Variants in KHDC1 observed in about 807,000 individuals in gnomAD.
KHDC1 encodes the protein KH domain containing 1.
Under a neutral mutation model 24.7 loss-of-function variants are expected in KHDC1, and 21 were observed. The ratio of observed to expected loss-of-function variants is 0.85; its 90% confidence interval spans 0.60 to 1.23. The LOEUF (loss-of-function observed/expected upper bound fraction) is 1.23, where lower values mean the gene tolerates loss of function less well. KHDC1 is among the 50% of genes most tolerant of loss of function. KHDC1 has a pLI of 0.00. For synonymous variants in KHDC1, 98 were observed against 111.7 expected (o/e 0.88, Z 0.77); for missense variants, 274 against 298.5 (o/e 0.92, Z 0.61).
chr6:73,310,266 C>T (rs1768057359), upstream of KHDC1: 1 of 155,896 alleles, frequency 6.4e-6, no homozygotes. Flanking sequence ...CACGGACTCG[C>T]TCACACTCCG....
chr6:73,254,212 C>G (rs1241334783), intron 2 of KHDC1, among the ~76,000 whole-genome samples: 1 of 152,030 alleles, frequency 6.6e-6, no homozygotes, highest in Non-Finnish European at 1.5e-5. Context: ...GTAATCCCAG[C>G]CCTTTGGGAG....
At chr6:73,242,162 G>C in exon 4 of KHDC1, 1 of 1,614,160 alleles carries the variant, frequency 6.2e-7, no homozygotes, top group Non-Finnish European at 8.5e-7. Context: ...CTGGCCTGTA[G>C]CTGTGAACCA....
intron 1 of KHDC1, among the ~76,000 whole-genome samples, chr6:73,294,470 G>A (rs1767723783): frequency 6.6e-6 from 1 of 152,084 alleles, no homozygotes. Flanking sequence ...TTGATATGTA[G>A]CATCCCGTAT....
intron 2 of KHDC1, among the ~76,000 whole-genome samples, chr6:73,285,525 G>A (rs1767502640): frequency 6.6e-6 from 1 of 152,132 alleles, no homozygotes; most frequent in East Asian, 1.9e-4. Context: ...GTAGAGACAG[G>A]GTTTCGCCAT....
chr6:73,280,300 G>A (rs1767379606), intron 2 of KHDC1, among the ~76,000 whole-genome samples: 1 of 152,040 alleles, frequency 6.6e-6, no homozygotes, highest in Non-Finnish European at 1.5e-5. Context: ...TGGAACCACA[G>A]GCATGCACCA....
intron 2 of KHDC1, among the ~76,000 whole-genome samples, chr6:73,283,073 G>C (rs1303056930): frequency 6.6e-6 from 1 of 152,206 alleles, no homozygotes; most frequent in Non-Finnish European, 1.5e-5. Context: ...TGTTGACCTT[G>C]ATCATCAGGC....
intron 1 of KHDC1, among the ~76,000 whole-genome samples, chr6:73,303,945 AAGGTGG>A (rs1767918239): frequency 6.6e-6 from 1 of 152,156 alleles, no homozygotes; most frequent in Admixed American, 6.6e-5. Context: ...TTGGGAGGCC[AAGGTGG>A]GTGGATCACC....
chr6:73,283,103 T>G (rs889660309), intron 2 of KHDC1, among the ~76,000 whole-genome samples: 1 of 152,202 alleles, frequency 6.6e-6, no homozygotes, highest in Non-Finnish European at 1.5e-5. Flanking sequence ...CTGTCAGTCC[T>G]CTCCACTGTA....
intron 1 of KHDC1, among the ~76,000 whole-genome samples, chr6:73,298,402 G>A (rs1300304244): frequency 6.8e-6 from 1 of 148,120 alleles, no homozygotes; most frequent in Non-Finnish European, 1.5e-5. Context: ...TGTTGCCCTG[G>A]AAGGACTCTA....
chr6:73,298,382 T>C (rs1025013060), intron 1 of KHDC1, among the ~76,000 whole-genome samples: 1 of 150,124 alleles, frequency 6.7e-6, no homozygotes, highest in Admixed American at 6.7e-5. Flanking sequence ...TATTCCAATA[T>C]AGACTAAGCT....
chr6:73,308,181 TCTC>T (rs1340802892), intron 1 of KHDC1, among the ~76,000 whole-genome samples: 2 of 151,454 alleles, frequency 1.3e-5, no homozygotes, highest in Non-Finnish European at 2.9e-5. Context: ...TTCACACTAT[TCTC>T]CTGCCTCAGC....
intron 2 of KHDC1, among the ~76,000 whole-genome samples, chr6:73,288,620 TA>T (rs35316122): frequency 7.9e-5 from 12 of 150,970 alleles, no homozygotes; most frequent in South Asian, 2.1e-4. Flanking sequence ...GACTTCGTCT[TA>T]AAAAAAAAGT....
exon 1 of KHDC1, chr6:73,309,581 G>A: frequency 6.5e-7 from 1 of 1,536,764 alleles, no homozygotes; most frequent in African/African-American, 1.4e-5. Context: ...AAGGTGGAAA[G>A]ACACTGTCCC....
exon 5 of KHDC1, chr6:73,241,597 C>G: frequency 6.2e-7 from 1 of 1,614,174 alleles, no homozygotes; most frequent in East Asian, 2.2e-5. Flanking sequence ...GGCTGAGGAA[C>G]GCTAAGACAC....
At chr6:73,245,772 C>CCAAT (rs1261506545) in intron 2 of KHDC1, among the ~76,000 whole-genome samples, 1 of 152,092 alleles carries the variant, frequency 6.6e-6, no homozygotes, top group African/African-American at 2.4e-5. Context: ...CCCCCACCAC[C>CCAAT]CAATCACTGA....
At chr6:73,295,392 A>G (rs1036059351) in intron 1 of KHDC1, among the ~76,000 whole-genome samples, 1 of 152,152 alleles carries the variant, frequency 6.6e-6, no homozygotes, top group African/African-American at 2.4e-5. Flanking sequence ...TTTTACAGCA[A>G]TGCAAGAATG....
chr6:73,303,588 G>A (rs1207642607), intron 1 of KHDC1, among the ~76,000 whole-genome samples: 2 of 152,218 alleles, frequency 1.3e-5, no homozygotes, highest in East Asian at 3.8e-4. Context: ...GATGCACTGA[G>A]AAGGGCACAT....
At chr6:73,290,106 CAAAAAAAAA>C (rs140342387) in intron 2 of KHDC1, among the ~76,000 whole-genome samples, 2 of 86,500 alleles carry the variant, frequency 2.3e-5, no homozygotes, top group African/African-American at 1.0e-4. Flanking sequence ...GACTCCGTCT[CAAAAAAAAA>C]AAAAAAAAAA....
At chr6:73,306,231 A>G (rs532054778) in intron 1 of KHDC1, among the ~76,000 whole-genome samples, 4 of 151,834 alleles carry the variant, frequency 2.6e-5, no homozygotes, top group African/African-American at 9.7e-5. Flanking sequence ...CCTCCACCAG[A>G]GCTCTAAATC....
Sources: allele counts gnomAD v4.1 joint callset (sites outside exome capture counted in the v4.1 genomes callset), GRCh38; gene constraint gnomAD v4.1.1; transcripts MANE v1.5; gene names NCBI Gene and HGNC (gene_info 2026-07-23, HGNC 2026-07-21).